TRPM8: variants seen among roughly 807,000 people sequenced by gnomAD.
TRPM8 encodes TRPM8 cationic channel.
In TRPM8, 110 loss-of-function variants were observed where a neutral mutation model predicts 133.7. The observed-to-expected ratio is 0.82, with a 90% CI of 0.70 to 0.96. The LOEUF is 0.96. TRPM8 is among the 40% of genes least tolerant of loss of function. The pLI is 0.00. For synonymous variants in TRPM8, 535 were observed against 532.3 expected (o/e 1.01, Z -0.07); for missense variants, 1,291 against 1,379.5 (o/e 0.94, Z 1.02).
intron 22 of TRPM8, among the ~76,000 whole-genome samples, chr2:233,999,403 T>G (rs1692492499): frequency 6.6e-6 from 1 of 152,020 alleles, no homozygotes; most frequent in Non-Finnish European, 1.5e-5. Flanking sequence ...TTCTGCTGCG[T>G]TCTATTGGTC....
chr2:234,009,571 C>T (rs6431651), intron 24 of TRPM8, among the ~76,000 whole-genome samples: 112,829 of 152,036 alleles, frequency 0.74, 42,291 homozygotes, highest in African/African-American at 0.84. Context: ...CCAGGAAGTT[C>T]GTCAGCCTGG....
At chr2:233,992,607 A>G (rs1324479461) in intron 21 of TRPM8, among the ~76,000 whole-genome samples, 4 of 152,012 alleles carry the variant, frequency 2.6e-5, no homozygotes, top group Admixed American at 2.0e-4. Flanking sequence ...AGCTGGTTTC[A>G]GGAGATGGAC....
In TRPM8 at chr2:233,939,020, C is replaced by G. The variant is rs755566242; in HGVS notation, c.371C>G (p.Thr124Arg). Residue 124 changes from threonine (T) to arginine (R), a missense_variant, in exon 5 of 26, where the codon ACG becomes AGG. Physicochemically the swap from Thr to Arg is moderately conservative, Grantham distance 71 (BLOSUM62 -1). This residue lies in a region of TRPM8 where 963 missense variants were observed against 968.9 expected (regional missense o/e 0.99). Transcript: ENST00000324695. The part of the protein sequence containing the change: ...KGKYIRLSCD[T>R]DAEILYELLT... ...TAGTATATACGTCTGTCCTGCGACA[C>G]GGACGCGGAAATCCTTTACGAGCTG... 5.0e-6 allele frequency: 8 copies of G among 1,614,104 alleles called. No individual in the cohort carries two copies. Among genetic ancestry groups the G allele is most frequent in the Non-Finnish European group, 5.9e-6 (7 of 1,180,048 alleles).
Position 233,981,811 on chromosome 2 carries a change from C to T in TRPM8, c.2485C>T (p.Arg829Ter), listed in dbSNP as rs185474590. The change falls in exon 19 of 26, where the codon CGA (arginine) becomes TGA (stop). Residue 829 changes from arginine to a stop codon, truncating the protein, a stop_gained. Transcript: ENST00000324695. LOFTEE classifies it high-confidence loss of function. ...TAATAAAAGCTCTTTGTATTCTGGA[C>T]GAGTCATTTTCTGTCTGGACTACAT... ...SSNKSSLYSG[R>*]VIFCLDYIIF... The T allele has an allele frequency of 1.1e-4, 181 of 1,613,296 alleles. No individual in the cohort carries two copies. The highest frequency in any genetic ancestry group is 2.1e-4 in the African/African-American group (16 of 75,014).
chr2:233,961,030 C>T lies in TRPM8; in HGVS notation c.1617C>T (p.Asp539=). 1 of 1,614,146 alleles carries T rather than the reference C, an allele frequency of 6.2e-7. No individual in the cohort carries two copies. The highest frequency in any genetic ancestry group is 1.7e-5 in the Admixed American group (1 of 60,024). ...ANFRRGFRKE[D]RNGRDEMDIE... is the part of the protein sequence containing the mutation. ...TCCGAAGAGGCTTCCGGAAGGAAGA[C>T]AGAAATGGCCGGGACGAGATGGACA... is the stretch of plus-strand genomic sequence containing the variant. The change falls in exon 12 of 26, where the codon GAC becomes GAT. Residue 539 remains aspartate (D), a synonymous_variant. Coordinates refer to ENST00000324695, the MANE Select transcript of TRPM8 (RefSeq NM_024080.5).
intron 21 of TRPM8, among the ~76,000 whole-genome samples, chr2:233,987,545 C>T (rs995349842): frequency 6.6e-6 from 1 of 152,226 alleles, no homozygotes; most frequent in Non-Finnish European, 1.5e-5. Flanking sequence ...GGGGACATCA[C>T]ATAGCAAAGG....
chr2:233,970,842 A>G (rs1559534952), intron 17 of TRPM8, among the ~76,000 whole-genome samples: 1 of 152,262 alleles, frequency 6.6e-6, no homozygotes, highest in Non-Finnish European at 1.5e-5. Flanking sequence ...CAGATTGACA[A>G]TGTTTTAAAG....
intron 11 of TRPM8, among the ~76,000 whole-genome samples, chr2:233,959,481 T>A (rs1252359783): frequency 6.6e-6 from 1 of 151,558 alleles, no homozygotes; most frequent in Non-Finnish European, 1.5e-5. Flanking sequence ...TTTTTTATTT[T>A]TAGTAGAGAT....
Position 233,954,039 on chromosome 2 carries a change from T to C in TRPM8, c.1243+20T>C, listed in dbSNP as rs200996680. 5 of 1,546,178 alleles carry C rather than the reference T, an allele frequency of 3.2e-6. No homozygotes were observed. The highest frequency in any genetic ancestry group is 8.8e-7 in the Non-Finnish European group (1 of 1,136,156). On this transcript the variant is annotated intron_variant, in intron 10 of 25. Transcript: ENST00000324695. ...ACAAAGGTGAGTAAAAATAGCTCCT[T>C]TTGAAGTGTCAGCTTTGTGTTGCCT...
intron 21 of TRPM8, among the ~76,000 whole-genome samples, chr2:233,991,075 A>C (rs749026213): frequency 6.6e-6 from 1 of 152,078 alleles, no homozygotes; most frequent in African/African-American, 2.4e-5. Context: ...CAGAGCCCCA[A>C]GTGTTGGTAG....
At chr2:234,003,164 C>T (rs1421836203) in intron 22 of TRPM8, among the ~76,000 whole-genome samples, 2 of 152,132 alleles carry the variant, frequency 1.3e-5, no homozygotes, top group Non-Finnish European at 2.9e-5. Context: ...CTGTGCTCTC[C>T]CTATAGCTGT....
intron 20 of TRPM8, among the ~76,000 whole-genome samples, chr2:233,984,692 C>T (rs1692100138): frequency 6.6e-6 from 1 of 152,184 alleles, no homozygotes; most frequent in Non-Finnish European, 1.5e-5. Flanking sequence ...CCCTTCTGAT[C>T]TGTGCTTCTG....
At chr2:233,932,185 G>A (rs527861421) in intron 3 of TRPM8, among the ~76,000 whole-genome samples, 160 of 152,374 alleles carry the variant, frequency 1.1e-3, no homozygotes, top group Middle Eastern at 3.4e-3. Flanking sequence ...GAAAAGCACA[G>A]CCAGATCCAG....
chr2:233,933,836 C>T (rs912542137), intron 3 of TRPM8: 4 of 167,158 alleles, frequency 2.4e-5, no homozygotes, highest in Non-Finnish European at 5.9e-5. Flanking sequence ...CAGGAAGTAG[C>T]CTGGGCTCAG....
intron 3 of TRPM8, chr2:233,933,689 C>G (rs1203523613): frequency 3.9e-5 from 6 of 152,852 alleles, no homozygotes; most frequent in African/African-American, 1.4e-4. Flanking sequence ...GAAAAGGGCC[C>G]AACAGTTTGT....
At chr2:233,991,078 G>T (rs1363708259) in intron 21 of TRPM8, among the ~76,000 whole-genome samples, 1 of 152,106 alleles carries the variant, frequency 6.6e-6, no homozygotes, top group Non-Finnish European at 1.5e-5. Flanking sequence ...AGCCCCAAGT[G>T]TTGGTAGGAG....
chr2:233,935,305 C>G (rs975838138), intron 3 of TRPM8, among the ~76,000 whole-genome samples: 4 of 152,168 alleles, frequency 2.6e-5, no homozygotes, highest in Non-Finnish European at 1.5e-5. Context: ...TCCAGAGTCA[C>G]CATGTATGGT....
chr2:234,010,925 G>A (rs1216347702), intron 24 of TRPM8, among the ~76,000 whole-genome samples: 1 of 152,100 alleles, frequency 6.6e-6, no homozygotes, highest in African/African-American at 2.4e-5. Context: ...TTCATAGGTT[G>A]CCCTTTTATT....
chr2:233,972,455 G>C (rs1406682704), intron 17 of TRPM8, among the ~76,000 whole-genome samples: 1 of 152,270 alleles, frequency 6.6e-6, no homozygotes, highest in African/African-American at 2.4e-5. Flanking sequence ...TGCCAGTCCT[G>C]CGCTGTGCGC....
Sources: gnomAD v4.1 joint callset for allele counts (sites outside exome capture counted in the v4.1 genomes callset) on GRCh38, gnomAD v4.1.1 for gene constraint, gnomAD v4.1.1 regional missense constraint, MANE v1.5 for transcripts, NCBI Gene and HGNC (gene_info 2026-07-23, HGNC 2026-07-21) for gene names.